Variants in HERC3 observed in about 807,000 individuals in gnomAD.
HERC3 encodes the protein HECT and RLD domain containing E3 ubiquitin protein ligase 3, also known as probable E3 ubiquitin-protein ligase HERC3.
In HERC3, 58 loss-of-function variants were observed where a neutral mutation model predicts 129.9. The ratio of observed to expected loss-of-function variants is 0.45; its 90% CI spans 0.36 to 0.56. The LOEUF (loss-of-function observed/expected upper bound fraction) is 0.56, where lower values mean the gene tolerates loss of function less well. Ranked by LOEUF, HERC3 falls within the 20% of genes least tolerant of loss-of-function variation. The probability of loss-of-function intolerance (pLI) is 0.00; values close to 1 mark genes in which losing one functional copy is unlikely to be tolerated. For synonymous variants in HERC3, 430 were observed against 451.0 expected (o/e 0.95, Z 0.59); for missense variants, 835 against 1,244.2 (o/e 0.67, Z 4.95).
upstream of HERC3, among the ~76,000 whole-genome samples, chr4:88,592,265 G>A (rs1216197434): frequency 6.6e-6 from 1 of 152,190 alleles, no homozygotes; most frequent in African/African-American, 2.4e-5. Flanking sequence ...TCCCCGCGCC[G>A]GGCCCTCGAG....
intron 4 of HERC3, among the ~76,000 whole-genome samples, chr4:88,650,859 C>T (rs1729195968): frequency 6.6e-6 from 1 of 152,150 alleles, no homozygotes; most frequent in South Asian, 2.1e-4. Flanking sequence ...AATAAATGGC[C>T]TCTCCTCCTC....
the HERC3 span, among the ~76,000 whole-genome samples, chr4:88,548,265 A>C: frequency 9.9e-5 from 15 of 152,270 alleles, no homozygotes; most frequent in Non-Finnish European, 4.4e-5. Flanking sequence ...TGTTTTAAGA[A>C]ATTTCCAGAC....
At chr4:88,654,941 A>C (rs916491873) in intron 7 of HERC3, among the ~76,000 whole-genome samples, 1 of 152,356 alleles carries the variant, frequency 6.6e-6, no homozygotes, top group South Asian at 2.1e-4. Context: ...AAAAATTTAC[A>C]GAAGGCACAC....
the HERC3 span, among the ~76,000 whole-genome samples, chr4:88,551,558 G>T: frequency 6.6e-6 from 1 of 151,304 alleles, no homozygotes; most frequent in South Asian, 2.1e-4. Flanking sequence ...GGCCATCAGA[G>T]AAATGCAAAT....
intron 3 of HERC3, among the ~76,000 whole-genome samples, chr4:88,647,969 CCA>C: frequency 6.6e-6 from 1 of 152,198 alleles, no homozygotes; most frequent in Non-Finnish European, 1.5e-5. Flanking sequence ...TTCCTCACCA[CCA>C]GACACTCATC....
intron 1 of HERC3, among the ~76,000 whole-genome samples, chr4:88,593,932 G>A (rs546625237): frequency 6.6e-6 from 1 of 152,322 alleles, no homozygotes; most frequent in African/African-American, 2.4e-5. Flanking sequence ...AAAGTACATG[G>A]ATTGCATATC....
upstream of HERC3, among the ~76,000 whole-genome samples, chr4:88,588,216 T>G (rs1338261540): frequency 6.6e-6 from 1 of 152,222 alleles, no homozygotes; most frequent in Non-Finnish European, 1.5e-5. Flanking sequence ...GGCTGTAAGC[T>G]CTTTGTAGTC....
In HERC3 at chr4:88,662,550, A is replaced by G. The variant is rs764604831; in HGVS notation, c.1266A>G (p.Thr422=). 6.2e-6 allele frequency: 10 copies of G among 1,605,644 alleles called. No homozygotes were observed. The African/African-American group carries it at 1.3e-4, about 22-fold the overall frequency. ...TCTCAGAACACAACAATGCAAATACAATCAAGTATGTGGCTGCTTGTCTTC... is the reference window on the plus strand; with the variant it reads ...TCTCAGAACACAACAATGCAAATACGATCAAGTATGTGGCTGCTTGTCTTC... ...QKLSEHNNAN[T]INGVVQILSS... The change falls in exon 11 of 26, where the codon ACA becomes ACG. Residue 422 remains threonine (T), a synonymous_variant. Transcript: ENST00000402738.
chr4:88,527,866 G>A, the HERC3 span: 1 of 301,094 alleles, frequency 3.3e-6, no homozygotes, highest in African/African-American at 2.3e-5. Flanking sequence ...GGGCCTGACG[G>A]ACAGCATCTA....
At chr4:88,706,690 A>G in intron 25 of HERC3, 62 bp from the exon 26 acceptor site, 3 of 1,355,764 alleles carry the variant, frequency 2.2e-6, no homozygotes, top group Non-Finnish European at 3.1e-6. Context: ...TGTTGCCAGA[A>G]GGATCTCTGA....
chr4:88,698,785 C>T (rs903854093), intron 23 of HERC3, among the ~76,000 whole-genome samples: 1 of 149,596 alleles, frequency 6.7e-6, no homozygotes, highest in Non-Finnish European at 1.5e-5. Context: ...TTATGCCCCA[C>T]CTTCTGCCCA....
At chr4:88,546,671 C>T in the HERC3 span, among the ~76,000 whole-genome samples, 1 of 152,194 alleles carries the variant, frequency 6.6e-6, no homozygotes, top group Non-Finnish European at 1.5e-5. Flanking sequence ...GCCACCATGC[C>T]TGGCTAATCT....
intron 14 of HERC3, among the ~76,000 whole-genome samples, chr4:88,669,359 A>C (rs1731376687): frequency 6.6e-6 from 1 of 152,196 alleles, no homozygotes; most frequent in Non-Finnish European, 1.5e-5. Flanking sequence ...GTTATGAGAA[A>C]GCATTTTTTG....
chr4:88,660,525 G>T (rs1388954036), intron 10 of HERC3, among the ~76,000 whole-genome samples: 1 of 152,114 alleles, frequency 6.6e-6, no homozygotes, highest in Non-Finnish European at 1.5e-5. Context: ...TTTTATAAAA[G>T]GCTGACTCAT....
At chr4:88,546,161 A>T in the HERC3 span, among the ~76,000 whole-genome samples, 2 of 152,148 alleles carry the variant, frequency 1.3e-5, no homozygotes, top group South Asian at 4.1e-4. Flanking sequence ...ATTCATATGG[A>T]TTGGTGTAAT....
the HERC3 span, among the ~76,000 whole-genome samples, chr4:88,529,447 A>T: frequency 6.6e-6 from 1 of 152,062 alleles, no homozygotes; most frequent in Non-Finnish European, 1.5e-5. Flanking sequence ...ACAGAGCAAG[A>T]CCCTGTCTCT....
At chr4:88,630,980 C>T (rs1306263414) in intron 3 of HERC3, among the ~76,000 whole-genome samples, 1 of 152,164 alleles carries the variant, frequency 6.6e-6, no homozygotes, top group Non-Finnish European at 1.5e-5. Context: ...GACAGGGCTC[C>T]ATATGTTATT....
chr4:88,550,125 CT>C, the HERC3 span, among the ~76,000 whole-genome samples: 1 of 152,132 alleles, frequency 6.6e-6, no homozygotes, highest in East Asian at 1.9e-4. Flanking sequence ...GACTTGTGTG[CT>C]AGGAGAGAAA....
At chr4:88,693,826 A>C (rs1202256864) in intron 23 of HERC3, among the ~76,000 whole-genome samples, 1 of 152,150 alleles carries the variant, frequency 6.6e-6, no homozygotes, top group Non-Finnish European at 1.5e-5. Context: ...TCTTTCTGCC[A>C]GTTATTTTGT....
Sources: gnomAD v4.1 joint callset for allele counts (sites outside exome capture counted in the v4.1 genomes callset) on GRCh38, gnomAD v4.1.1 for gene constraint, MANE v1.5 for transcripts, NCBI Gene and HGNC (gene_info 2026-07-23, HGNC 2026-07-21) for gene names.